PRDM5: variants seen among roughly 807,000 people sequenced by gnomAD.
PRDM5 encodes the protein PR domain zinc finger protein 5.
In PRDM5, 56 loss-of-function variants were observed where a neutral mutation model predicts 81.2. That is an observed-to-expected ratio of 0.69 (90% CI 0.56 to 0.86). The LOEUF (loss-of-function observed/expected upper bound fraction) is 0.86. Among genes scored for constraint, PRDM5 ranks in the 40% least tolerant of loss-of-function variants. The probability of loss-of-function intolerance (pLI) is 0.00; values close to 1 mark genes in which losing one functional copy is unlikely to be tolerated. For missense variants in PRDM5, 697 were observed against 770.1 expected (o/e 0.91, Z 1.12); for synonymous variants, 267 against 256.4 (o/e 1.04, Z -0.39).
intron 2 of PRDM5, among the ~76,000 whole-genome samples, chr4:120,894,258 A>T (rs1157114946): frequency 6.6e-6 from 1 of 152,204 alleles, no homozygotes; most frequent in African/African-American, 2.4e-5. Flanking sequence ...GCAATGCTTT[A>T]ATTACAGTTA....
intron 2 of PRDM5, among the ~76,000 whole-genome samples, chr4:120,872,075 C>T (rs1328263756): frequency 1.5e-4 from 21 of 139,450 alleles, no homozygotes; most frequent in Non-Finnish European, 2.1e-4. Context: ...TGCTTGAACC[C>T]GGGAGGCGGA....
intron 9 of PRDM5, 79 bp downstream of exon 9, chr4:120,799,582 A>G (rs1578780342): frequency 1.3e-6 from 2 of 1,548,452 alleles, no homozygotes; most frequent in Middle Eastern, 2.4e-4. Flanking sequence ...CCTGATTACC[A>G]CTCTTAGAGT....
chr4:120,769,016 G>A (rs938128740), intron 13 of PRDM5, among the ~76,000 whole-genome samples: 1 of 152,178 alleles, frequency 6.6e-6, no homozygotes, highest in African/African-American at 2.4e-5. Flanking sequence ...CTTCTTTAAT[G>A]CCAGCACTTC....
intron 13 of PRDM5, among the ~76,000 whole-genome samples, chr4:120,776,552 A>G (rs1045570683): frequency 6.6e-6 from 1 of 152,200 alleles, no homozygotes; most frequent in Non-Finnish European, 1.5e-5. Flanking sequence ...GGCTATCAAT[A>G]TTAATAGTAT....
intron 10 of PRDM5, 142 bp from the exon 11 acceptor site, chr4:120,785,233 C>A: frequency 6.0e-6 from 4 of 668,628 alleles, no homozygotes; most frequent in South Asian, 3.4e-5. Flanking sequence ...ATTCTTCCAC[C>A]GTAAAATTGT....
chr4:120,812,772 T>C (rs924064766), intron 7 of PRDM5: 1 of 411,090 alleles, frequency 2.4e-6, no homozygotes, highest in Admixed American at 3.1e-5. Context: ...ATACCACCTT[T>C]CTCATATATA....
At chr4:120,844,468 T>A (rs2149400034) in intron 3 of PRDM5, among the ~76,000 whole-genome samples, 1 of 152,316 alleles carries the variant, frequency 6.6e-6, no homozygotes, top group East Asian at 1.9e-4. Context: ...TTCTAACCTT[T>A]TTATTATTAT....
intron 7 of PRDM5, among the ~76,000 whole-genome samples, chr4:120,814,084 T>C (rs183159933): frequency 2.5e-4 from 38 of 152,356 alleles, no homozygotes; most frequent in African/African-American, 8.7e-4. Context: ...AGGAAAAATG[T>C]ATGACTATTC....
downstream of PRDM5, among the ~76,000 whole-genome samples, chr4:120,690,339 T>A (rs185519682): frequency 4.3e-3 from 653 of 152,236 alleles, 3 homozygotes; most frequent in Non-Finnish European, 7.3e-3. Context: ...ACCAGATTTC[T>A]CTTTGAGAAG....
At chr4:120,767,309 A>G (rs1746520106) in intron 13 of PRDM5, among the ~76,000 whole-genome samples, 1 of 152,222 alleles carries the variant, frequency 6.6e-6, no homozygotes, top group African/African-American at 2.4e-5. Flanking sequence ...GACTGCCTTT[A>G]ATGTTCCATA....
At chr4:120,781,378 G>T in intron 11 of PRDM5, 75 bp from the exon 12 acceptor site, 2 of 1,365,802 alleles carry the variant, frequency 1.5e-6, no homozygotes, top group Non-Finnish European at 2.1e-6. Context: ...GCCAGACTTA[G>T]TTGCTTTCTC....
At chr4:120,709,020 C>T (rs60544114) in intron 15 of PRDM5, among the ~76,000 whole-genome samples, 8,030 of 151,238 alleles carry the variant, frequency 0.053, 357 homozygotes, top group African/African-American at 0.12. Context: ...ATAAATGGGA[C>T]GGAAGCAGAT....
Position 120,798,285 on chromosome 4 carries a change from A to G in PRDM5, c.1170T>C (p.Val390=), listed in dbSNP as rs759806002. Reference sequence around the variant, plus strand: ...GTTTTACCTTCTTATGATTCTTGTAAACATTTCTGTGGGCAAATCCCTTTC... The same window carrying G: ...GTTTTACCTTCTTATGATTCTTGTAGACATTTCTGTGGGCAAATCCCTTTC... ...LCGKGFAHRN[V]YKNHKKTHSE... is the part of the protein sequence containing the mutation. The change falls in exon 10 of 16, where the codon GTT becomes GTC. Residue 390 remains valine, a synonymous_variant. Coordinates refer to ENST00000264808, the MANE Select transcript of PRDM5 (RefSeq NM_018699.4). The G allele has an allele frequency of 8.1e-6, 13 of 1,604,552 alleles. No individual in the cohort carries two copies. The South Asian group carries it at 1.5e-4, about 18-fold the overall frequency.
chr4:120,798,304 C>G lies in PRDM5; in HGVS notation c.1151G>C (p.Gly384Ala), dbSNP rs762154293. Residue 384 changes from glycine (G) to alanine (A), a missense_variant, in exon 10 of 16, where the codon GGA becomes GCA. This residue lies in a region of PRDM5 where 577 missense variants were observed against 606.7 expected (regional missense o/e 0.95). Coordinates refer to ENST00000264808, the MANE Select transcript of PRDM5 (RefSeq NM_018699.4). ...CTTGTAAACATTTCTGTGGGCAAAT[C>G]CCTTTCCACAAAGTTTGCATTTGTA... ...KPYKCKLCGK[G>A]FAHRNVYKNH... 4.3e-6 allele frequency: 7 copies of G among 1,610,094 alleles called. No homozygotes were observed. The East Asian group carries it at 1.6e-4, about 36-fold the overall frequency.
intron 2 of PRDM5, among the ~76,000 whole-genome samples, chr4:120,876,912 G>A (rs969887872): frequency 2.6e-5 from 4 of 152,118 alleles, no homozygotes; most frequent in African/African-American, 9.7e-5. Flanking sequence ...TGGGAGAGCA[G>A]TCAAATCCAG....
At chr4:120,885,430 T>C (rs2148601523) in intron 2 of PRDM5, 1 of 152,302 alleles carries the variant, frequency 6.6e-6, no homozygotes, top group South Asian at 2.1e-4. Context: ...TTTGACATAA[T>C]GTCCTTCCTC....
chr4:120,693,616 T>C lies in PRDM5; in HGVS notation c.*1495A>G, dbSNP rs561070823. The C allele has an allele frequency of 2.0e-5, 3 of 152,270 alleles. No homozygotes were observed. The South Asian group carries it at 6.2e-4, about 32-fold the overall frequency. 9.4% of individuals were successfully genotyped at this position (152,270 alleles called of 1,614,324 possible). ...ACAACATTCAAATGTCTACATTGAA[T>C]CTTTATGTTTCTTTTTAAAACTGGA... is the stretch of plus-strand genomic sequence containing the variant. On this transcript the variant is annotated 3_prime_UTR_variant, in exon 16 of 16. Transcript: ENST00000264808.
intron 3 of PRDM5, chr4:120,839,186 C>T (rs750041625): frequency 3.6e-5 from 25 of 699,612 alleles, no homozygotes; most frequent in Non-Finnish European, 5.7e-5. Flanking sequence ...TCTCTTCACT[C>T]GCAATGTGGC....
intron 8 of PRDM5, among the ~76,000 whole-genome samples, chr4:120,806,149 A>G (rs1430417439): frequency 6.6e-6 from 1 of 152,206 alleles, no homozygotes; most frequent in Non-Finnish European, 1.5e-5. Context: ...AAGGGATGTG[A>G]AGGACCTCTT....
Sources: gnomAD v4.1 joint callset for allele counts (sites outside exome capture counted in the v4.1 genomes callset) on GRCh38, gnomAD v4.1.1 for gene constraint, gnomAD v4.1.1 regional missense constraint, MANE v1.5 for transcripts, NCBI Gene and HGNC (gene_info 2026-07-23, HGNC 2026-07-21) for gene names.